The following SMG6 variants were observed in gnomAD, a reference collection of about 807,000 sequenced individuals.
SMG6 encodes telomerase-binding protein EST1A.
A neutral mutation model predicts 142.2 loss-of-function variants in SMG6; 66 were observed. That is an observed-to-expected ratio of 0.46 (90% confidence interval 0.38 to 0.57). SMG6 has a LOEUF of 0.57. SMG6 is among the 20% of genes least tolerant of loss of function. SMG6 has a pLI of 0.00. For synonymous variants in SMG6, 779 were observed against 702.4 expected, an observed-to-expected ratio of 1.11 and a Z score of -1.72; for missense variants, 1,793 against 1,832.0, an observed-to-expected ratio of 0.98 and a Z score of 0.39.
intron 6 of SMG6, among the ~76,000 whole-genome samples, chr17:2,285,486 G>A (rs1427467596): frequency 2.6e-5 from 4 of 152,046 alleles, no homozygotes; most frequent in Admixed American, 6.6e-5. Context: ...ATCAACACAC[G>A]AAATTCAGTT....
chr17:2,146,235 A>G lies in SMG6; in HGVS notation c.3357+26423T>C, dbSNP rs552719820. Among the ~76,000 whole-genome samples, 12 of 152,368 alleles carry G rather than the reference A, an allele frequency of 7.9e-5. No homozygotes were observed. In the South Asian group the frequency reaches 2.5e-3, roughly 32 times the overall value. On this transcript the variant is annotated intron_variant, in intron 13 of 18. Transcript: ENST00000263073. ...AAGTGGTAAATATTTGTTAGATTAC[A>G]TAACATGCTTACTTTAGATGGGCAG...
intron 13 of SMG6, among the ~76,000 whole-genome samples, chr17:2,154,145 G>A (rs556893666): frequency 1.0e-4 from 15 of 146,712 alleles, no homozygotes; most frequent in South Asian, 2.2e-4. Flanking sequence ...AGAGTGTGAC[G>A]GTGACTGGGA....
chr17:2,170,667 T>G (rs1597512425), intron 13 of SMG6, among the ~76,000 whole-genome samples: 1 of 152,244 alleles, frequency 6.6e-6, no homozygotes, highest in Non-Finnish European at 1.5e-5. Context: ...GTATTCCTCT[T>G]GGGAAAGAAG....
chr17:2,195,402 C>G (rs1448459571), intron 10 of SMG6, among the ~76,000 whole-genome samples: 1 of 152,182 alleles, frequency 6.6e-6, no homozygotes, highest in East Asian at 1.9e-4. Context: ...CTTTGATGCA[C>G]TCACACTGTC....
intron 15 of SMG6, among the ~76,000 whole-genome samples, chr17:2,069,771 C>T (rs954125519): frequency 6.6e-6 from 1 of 152,194 alleles, no homozygotes; most frequent in East Asian, 1.9e-4. Flanking sequence ...ACACCCAGGT[C>T]GATCACAATG....
At chr17:2,277,324 G>A (rs938292762) in intron 8 of SMG6, among the ~76,000 whole-genome samples, 1 of 151,890 alleles carries the variant, frequency 6.6e-6, no homozygotes, top group Non-Finnish European at 1.5e-5. Flanking sequence ...CTGCCACCAT[G>A]CCCGGCTAAC....
chr17:2,202,703 G>C (rs2072567037), intron 10 of SMG6, among the ~76,000 whole-genome samples: 2 of 152,210 alleles, frequency 1.3e-5, no homozygotes, highest in African/African-American at 4.8e-5. Context: ...CCTTGGACAA[G>C]GTGTTTTGCG....
At chr17:2,163,094 A>G (rs949542947) in intron 13 of SMG6, among the ~76,000 whole-genome samples, 4 of 152,082 alleles carry the variant, frequency 2.6e-5, no homozygotes, top group Non-Finnish European at 4.4e-5. Flanking sequence ...AGCCTCCTGA[A>G]GTACTGGCGT....
chr17:2,189,962 T>C (rs1162450091), intron 10 of SMG6, among the ~76,000 whole-genome samples: 3 of 152,080 alleles, frequency 2.0e-5, no homozygotes, highest in Non-Finnish European at 2.9e-5. Context: ...AAGGAAGTGG[T>C]AACAATCCAT....
chr17:2,221,909 T>A (rs2073180543), intron 10 of SMG6, among the ~76,000 whole-genome samples: 1 of 152,156 alleles, frequency 6.6e-6, no homozygotes, highest in African/African-American at 2.4e-5. Context: ...AATTTTTGTA[T>A]TTTTTAGTAA....
chr17:2,227,253 C>T (rs150846801), intron 10 of SMG6, among the ~76,000 whole-genome samples: 1 of 152,282 alleles, frequency 6.6e-6, no homozygotes, highest in Admixed American at 6.5e-5. Flanking sequence ...GAAAACACGT[C>T]CACAAAATAC....
intron 13 of SMG6, among the ~76,000 whole-genome samples, chr17:2,162,803 ATCTTT>A (rs2071222781): frequency 3.3e-5 from 5 of 152,104 alleles, no homozygotes; most frequent in Admixed American, 3.3e-4. Context: ...GATCAAGAAA[ATCTTT>A]TCTTTTCCGT....
chr17:2,238,477 GT>G (rs2073722694), intron 9 of SMG6, among the ~76,000 whole-genome samples: 1 of 152,174 alleles, frequency 6.6e-6, no homozygotes, highest in Non-Finnish European at 1.5e-5. Flanking sequence ...TCTAACAAAG[GT>G]TTCATTTTAA....
intron 10 of SMG6, among the ~76,000 whole-genome samples, chr17:2,219,113 G>A (rs1373829983): frequency 6.6e-6 from 1 of 152,152 alleles, no homozygotes; most frequent in Non-Finnish European, 1.5e-5. Flanking sequence ...AGCCAGGCAC[G>A]GTGGCTCATG....
In SMG6 at chr17:2,303,732, C is replaced by T. The variant is rs2075345339; in HGVS notation, c.-12G>A. ...AGCCCTTCCGCCATCTTCGCGGCTG[C>T]TGCTACAGCCGTAGCGGCTCCGCCA... On this transcript the variant is annotated 5_prime_UTR_variant, in exon 1 of 19. Coordinates refer to ENST00000263073, the MANE Select transcript of SMG6 (RefSeq NM_017575.5). The T allele has an allele frequency of 6.7e-7, 1 of 1,489,484 alleles. No individual in the cohort carries two copies. The highest frequency in any genetic ancestry group is 1.5e-5 in the African/African-American group (1 of 68,816). 92.3% of individuals were successfully genotyped at this position (1,489,484 alleles called of 1,614,324 possible).
chr17:2,185,336 T>C (rs2071944324), intron 12 of SMG6, among the ~76,000 whole-genome samples: 1 of 150,712 alleles, frequency 6.6e-6, no homozygotes, highest in African/African-American at 2.4e-5. Flanking sequence ...CACAGACAAA[T>C]GGACCTAGAC....
chr17:2,085,721 G>A lies in SMG6; in HGVS notation c.3534+4C>T. 2 of 1,612,546 alleles carry A rather than the reference G, an allele frequency of 1.2e-6. No individual in the cohort carries two copies. Among genetic ancestry groups the A allele is most frequent in the Non-Finnish European group, 1.7e-6 (2 of 1,179,320 alleles). On this transcript the variant is annotated splice_donor_region_variant and intron_variant, in intron 14 of 18. Coordinates refer to ENST00000263073, the MANE Select transcript of SMG6 (RefSeq NM_017575.5). This position sits in a 1 kb window ranked among gnomAD's most constrained non-coding sequence, Gnocchi z 4.1. ...TGCCACAGCGGGCTCTTCCCGCATA[G>A]TACCTCATCTTCCAGTCGTGTTCCC...
Position 2,085,677 on chromosome 17 carries a change from G to A in SMG6, c.3534+48C>T, listed in dbSNP as rs1295353473. On this transcript the variant is annotated intron_variant, in intron 14 of 18. Transcript: ENST00000263073. The surrounding 1 kb of genome is among the most constrained non-coding windows in gnomAD (Gnocchi z 4.1). ...GAAAAGCTGAAGCCACGAGCAGAAT[G>A]GGGAGGGGGCCTTCCCTCTGCCACA... The A allele has an allele frequency of 6.4e-7, 1 of 1,559,974 alleles. No homozygotes were observed. The highest frequency in any genetic ancestry group is 2.3e-5 in the East Asian group (1 of 44,384).
At chr17:2,101,871 C>T (rs1039450057) in intron 13 of SMG6, among the ~76,000 whole-genome samples, 3 of 152,242 alleles carry the variant, frequency 2.0e-5, no homozygotes, top group African/African-American at 7.2e-5. Context: ...CTAACTGCCA[C>T]AGCTCTCCAT....
Sources: gnomAD v4.1 joint callset for allele counts (sites outside exome capture counted in the v4.1 genomes callset) on GRCh38, gnomAD v4.1.1 for gene constraint, Gnocchi (gnomAD v3.1) non-coding constraint, MANE v1.5 for transcripts, NCBI Gene and HGNC (gene_info 2026-07-23, HGNC 2026-07-21) for gene names.